The following SYN3 variants were observed in gnomAD, a reference collection of about 807,000 sequenced individuals.
SYN3 encodes the protein synapsin-3.
SYN3 carries 35 observed loss-of-function variants against 65.8 expected under a neutral mutation model. That is an observed-to-expected ratio of 0.53 (90% CI 0.41 to 0.70). The LOEUF (loss-of-function observed/expected upper bound fraction) is 0.70. Among genes scored for constraint, SYN3 ranks in the 30% least tolerant of loss-of-function variants. The pLI, the probability that SYN3 is intolerant of heterozygous loss-of-function variation, is 0.00. For synonymous variants in SYN3, 270 were observed against 292.9 expected (o/e 0.92, Z 0.80); for missense variants, 680 against 749.0 (o/e 0.91, Z 1.08).
chr22:33,033,199 C>T (rs2053786195), intron 1 of SYN3, among the ~76,000 whole-genome samples: 2 of 152,078 alleles, frequency 1.3e-5, no homozygotes, highest in Non-Finnish European at 2.9e-5. Flanking sequence ...CCGGCTTTCA[C>T]CATGTTGGCC....
intron 6 of SYN3, among the ~76,000 whole-genome samples, chr22:32,780,302 G>T (rs1189758547): frequency 6.6e-6 from 1 of 152,088 alleles, no homozygotes; most frequent in Non-Finnish European, 1.5e-5. Context: ...GTGAATGAGA[G>T]AAGTGTCTCA....
intron 6 of SYN3, among the ~76,000 whole-genome samples, chr22:32,776,607 C>T (rs377560949): frequency 2.8e-4 from 42 of 152,176 alleles, no homozygotes; most frequent in African/African-American, 4.6e-4. Context: ...CACCTTGAGG[C>T]GAGCTCTTTG....
chr22:32,539,630 G>A (rs2058221025), intron 8 of SYN3, among the ~76,000 whole-genome samples: 1 of 152,188 alleles, frequency 6.6e-6, no homozygotes, highest in Non-Finnish European at 1.5e-5. Flanking sequence ...CCAGAGAGGG[G>A]GTTGAATGGC....
intron 4 of SYN3, among the ~76,000 whole-genome samples, chr22:32,879,297 C>G (rs1352460003): frequency 1.3e-5 from 2 of 152,198 alleles, no homozygotes; most frequent in African/African-American, 4.8e-5. Context: ...GTATTGAGCA[C>G]TAATATGTGC....
intron 3 of SYN3, among the ~76,000 whole-genome samples, chr22:32,967,125 C>T (rs8140988): frequency 0.017 from 2,572 of 152,166 alleles, 67 homozygotes; most frequent in African/African-American, 0.056. Context: ...TAGCGTGTGC[C>T]TGACACTTAG....
At chr22:32,530,202 C>T (rs573228731) in intron 10 of SYN3, 42 of 152,326 alleles carry the variant, frequency 2.8e-4, no homozygotes, top group Admixed American at 1.9e-3. Flanking sequence ...AGGAATAAGA[C>T]GCCCTTGTGA....
chr22:32,576,206 G>A (rs2058847981), intron 7 of SYN3, among the ~76,000 whole-genome samples: 1 of 152,168 alleles, frequency 6.6e-6, no homozygotes, highest in Middle Eastern at 3.2e-3. Flanking sequence ...GACCTGGCTT[G>A]AGGTCTTCCC....
At chr22:33,002,929 T>A (rs1007511626) in intron 2 of SYN3, among the ~76,000 whole-genome samples, 5 of 152,164 alleles carry the variant, frequency 3.3e-5, no homozygotes, top group Non-Finnish European at 5.9e-5. Flanking sequence ...GGGAAGTAAT[T>A]GAACCATGGG....
At chr22:32,611,938 G>A (rs1410710214) in intron 6 of SYN3, among the ~76,000 whole-genome samples, 4 of 152,128 alleles carry the variant, frequency 2.6e-5, no homozygotes, top group Non-Finnish European at 4.4e-5. Context: ...AAGGAGAGAT[G>A]GGATAGAGAT....
intron 4 of SYN3, among the ~76,000 whole-genome samples, chr22:32,912,539 G>C (rs1411387615): frequency 6.6e-6 from 1 of 151,954 alleles, no homozygotes; most frequent in African/African-American, 2.4e-5. Context: ...AACATAGTGA[G>C]ACCCCCCCAT....
In SYN3 at chr22:32,519,867, C is replaced by T. The variant is rs2057847799; in HGVS notation, c.1319-1533G>A. Among the ~76,000 whole-genome samples the T allele has an allele frequency of 5.3e-5, 8 of 152,096 alleles. No homozygotes were observed. In the South Asian group the frequency reaches 1.7e-3, roughly 32 times the overall value. On this transcript the variant is annotated intron_variant, in intron 12 of 13. Transcript: ENST00000358763. ...CGTAGGCACGTTAGGAGACTGAAAA[C>T]TAAAAGGTGCTGGAACCCATCTCTG...
At chr22:32,559,345 TGGAGATG>T (rs2058550576) in intron 7 of SYN3, among the ~76,000 whole-genome samples, 1 of 151,800 alleles carries the variant, frequency 6.6e-6, no homozygotes, top group African/African-American at 2.4e-5. Flanking sequence ...ACATATTAGG[TGGAGATG>T]AGAGATGAGT....
In SYN3 at chr22:32,869,689, G is replaced by GTTT. The variant is rs1288480674; in HGVS notation, c.462-565_462-564insAAA. 1.5e-4 allele frequency among the ~76,000 whole-genome samples: 18 copies of GTTT among 118,456 alleles called. 2 individuals are homozygous for GTTT. The highest frequency in any genetic ancestry group is 1.4e-4 in the Non-Finnish European group (8 of 59,016). 77.7% of individuals were successfully genotyped at this position (118,456 alleles called of 152,430 possible). ...GATCTCAAATCAACCAACACATCTTGGTTTTTTTTTTTTTTTTTTTTTTCA... is the reference window on the plus strand; with the variant it reads ...GATCTCAAATCAACCAACACATCTTGTTTGTTTTTTTTTTTTTTTTTTTTTTCA... On this transcript the variant is annotated intron_variant, in intron 4 of 13. Coordinates refer to ENST00000358763, the MANE Select transcript of SYN3 (RefSeq NM_003490.4).
intron 3 of SYN3, among the ~76,000 whole-genome samples, chr22:32,955,112 T>G (rs1380076706): frequency 2.6e-5 from 4 of 152,002 alleles, no homozygotes; most frequent in Admixed American, 1.3e-4. Context: ...CTCCATATGA[T>G]CCAGTCTGCA....
intron 4 of SYN3, among the ~76,000 whole-genome samples, chr22:32,923,696 A>C (rs890093740): frequency 2.6e-5 from 4 of 152,168 alleles, no homozygotes. Flanking sequence ...TTTGTTTATT[A>C]AACTTTTATT....
rs762554357 is a variant in SYN3 at position 32,659,597 on chromosome 22, G to T, written c.712-62861C>A. Among the ~76,000 whole-genome samples, 90 of 152,280 alleles carry T rather than the reference G, an allele frequency of 5.9e-4. 1 individual carries two copies. Among genetic ancestry groups the T allele is most frequent in the Middle Eastern group, 3.4e-3 (1 of 294 alleles). On this transcript the variant is annotated intron_variant, in intron 6 of 13. Coordinates refer to ENST00000358763, the MANE Select transcript of SYN3 (RefSeq NM_003490.4). ...TTTACCTCTTTATTTAATGCACTAG[G>T]TGGTGTTCCTTTTCACCCTAGGAGC...
intron 6 of SYN3, among the ~76,000 whole-genome samples, chr22:32,759,036 G>A (rs1018792): frequency 6.6e-6 from 1 of 151,886 alleles, no homozygotes; most frequent in Non-Finnish European, 1.5e-5. Flanking sequence ...ACATCATTAA[G>A]ATTTACTCAT....
Position 32,693,592 on chromosome 22 carries a change from G to GTTTTTTTTTT in SYN3, c.712-96866_712-96857dup, listed in dbSNP as rs1189710191. ...ATATAATATTATTTTTCTGTAGCTT[G>GTTTTTTTTTT]TTTTTTTTTTTTTTTTTTTTTTTGA... On this transcript the variant is annotated intron_variant, in intron 6 of 13. Transcript: ENST00000358763. Among the ~76,000 whole-genome samples the GTTTTTTTTTT allele has an allele frequency of 1.7e-3, 157 of 90,500 alleles. 22 individuals are homozygous for GTTTTTTTTTT. The highest frequency in any genetic ancestry group is 6.9e-3 in the African/African-American group (132 of 19,064). 59.4% of individuals were successfully genotyped at this position (90,500 alleles called of 152,430 possible). A position where few individuals can be genotyped will look rare whatever the true frequency, so the allele number is the denominator to read the frequency against.
chr22:32,685,094 A>G (rs1601910535), intron 6 of SYN3, among the ~76,000 whole-genome samples: 1 of 152,136 alleles, frequency 6.6e-6, no homozygotes, highest in Non-Finnish European at 1.5e-5. Flanking sequence ...CAGGTGACAG[A>G]CTTTATGGCC....
Sources: gnomAD v4.1 joint callset for allele counts (sites outside exome capture counted in the v4.1 genomes callset) on GRCh38, gnomAD v4.1.1 for gene constraint, MANE v1.5 for transcripts, NCBI Gene and HGNC (gene_info 2026-07-23, HGNC 2026-07-21) for gene names.